The following SFRP1 variants were observed in gnomAD, a reference collection of about 807,000 sequenced individuals.
SFRP1 encodes the protein secreted frizzled related protein 1.
Under a neutral mutation model 25.9 loss-of-function variants are expected in SFRP1, and 9 were observed. The observed-to-expected ratio is 0.35, with a 90% CI of 0.21 to 0.61. The LOEUF (loss-of-function observed/expected upper bound fraction) is 0.61. Among genes scored for constraint, SFRP1 ranks in the 20% least tolerant of loss-of-function variants. SFRP1 has a pLI of 0.78. For missense variants in SFRP1, 346 were observed against 418.2 expected (o/e 0.83, Z 1.51); for synonymous variants, 178 against 174.0 (o/e 1.02, Z -0.18).
chr8:41,262,808 TC>T lies in SFRP1; in HGVS notation c.*2358del, dbSNP rs1803390996. 1 of 152,168 alleles carries T rather than the reference TC, an allele frequency of 6.6e-6. No individual in the cohort carries two copies. The highest frequency in any genetic ancestry group is 2.1e-4 in the South Asian group (1 of 4,814). The allele number at this position is 152,168 out of a possible 1,614,324, so 9.4% of individuals were successfully genotyped here. On this transcript the variant is annotated 3_prime_UTR_variant, in exon 3 of 3. Coordinates refer to ENST00000220772, the MANE Select transcript of SFRP1 (RefSeq NM_003012.5). Reference sequence around the variant, plus strand: ...TGCAGCTCTGTGCCTACAGAGAGCCTCCCTTTTGGTTCTGAAATTGCTGATG... The same window carrying T: ...TGCAGCTCTGTGCCTACAGAGAGCCTCCTTTTGGTTCTGAAATTGCTGATG...
intron 2 of SFRP1, among the ~76,000 whole-genome samples, chr8:41,286,303 A>G (rs1803700254): frequency 6.6e-6 from 1 of 152,172 alleles, no homozygotes; most frequent in South Asian, 2.1e-4. Context: ...AACCCAACAC[A>G]ATACATGGAT....
At chr8:41,302,761 C>A (rs569594708) in intron 2 of SFRP1, among the ~76,000 whole-genome samples, 1 of 152,222 alleles carries the variant, frequency 6.6e-6, no homozygotes, top group South Asian at 2.1e-4. Flanking sequence ...CCCTGGAAGG[C>A]CCCAAGGCCC....
intron 2 of SFRP1, among the ~76,000 whole-genome samples, chr8:41,299,538 T>C (rs1245309962): frequency 3.3e-5 from 1 of 30,448 alleles, no homozygotes; most frequent in Non-Finnish European, 6.3e-5. Context: ...AAGTCCATCA[T>C]GCCTGCAATC....
chr8:41,305,487 G>T (rs932945433), intron 1 of SFRP1, among the ~76,000 whole-genome samples: 1 of 152,092 alleles, frequency 6.6e-6, no homozygotes, highest in African/African-American at 2.4e-5. Context: ...CTTTTCTAAC[G>T]GCTGACTCTG....
intron 1 of SFRP1, chr8:41,306,875 T>G (rs767008152): frequency 3.8e-6 from 6 of 1,595,586 alleles, no homozygotes; most frequent in African/African-American, 1.3e-5. Context: ...TTTTGGGGGC[T>G]GGGGTGAGGG....
At chr8:41,298,866 T>C (rs767920695) in intron 2 of SFRP1, among the ~76,000 whole-genome samples, 2 of 152,194 alleles carry the variant, frequency 1.3e-5, no homozygotes, top group Non-Finnish European at 2.9e-5. Flanking sequence ...GCAGTTCACA[T>C]GAGCTGTGAA....
intron 2 of SFRP1, among the ~76,000 whole-genome samples, chr8:41,290,570 C>T (rs952289326): frequency 3.3e-5 from 5 of 152,212 alleles, no homozygotes; most frequent in African/African-American, 9.6e-5. Flanking sequence ...GCTCTGCACA[C>T]GCAGAACACA....
At chr8:41,306,907 G>A in intron 1 of SFRP1, 4 of 1,580,642 alleles carry the variant, frequency 2.5e-6, no homozygotes, top group Non-Finnish European at 3.4e-6. Context: ...TCTTCTTCAG[G>A]CAACCCGTCC....
intron 2 of SFRP1, among the ~76,000 whole-genome samples, chr8:41,294,141 T>C (rs1017409907): frequency 6.6e-6 from 1 of 151,998 alleles, no homozygotes; most frequent in East Asian, 1.9e-4. Flanking sequence ...GCCTGAGAGG[T>C]GAGCACAGCG....
At chr8:41,284,405 C>T (rs554524632) in intron 2 of SFRP1, among the ~76,000 whole-genome samples, 1 of 151,084 alleles carries the variant, frequency 6.6e-6, no homozygotes, top group South Asian at 2.1e-4. Context: ...GAGCCCCTCC[C>T]ACATTGCTGG....
intron 2 of SFRP1, among the ~76,000 whole-genome samples, chr8:41,292,644 G>A (rs909937063): frequency 6.6e-6 from 1 of 152,054 alleles, no homozygotes; most frequent in African/African-American, 2.4e-5. Flanking sequence ...CAGGCCCTGG[G>A]AAGAAATGAT....
intron 2 of SFRP1, among the ~76,000 whole-genome samples, chr8:41,286,178 G>C (rs1433164177): frequency 6.6e-6 from 1 of 152,172 alleles, no homozygotes; most frequent in African/African-American, 2.4e-5. Context: ...GTTCCTCCCT[G>C]GGCTTGCCTA....
chr8:41,294,771 T>C (rs554027405), intron 2 of SFRP1, among the ~76,000 whole-genome samples: 5 of 151,782 alleles, frequency 3.3e-5, no homozygotes, highest in African/African-American at 9.7e-5. Context: ...GACTCAAATA[T>C]GTATATGGAA....
At chr8:41,290,052 G>A (rs1803756530) in intron 2 of SFRP1, among the ~76,000 whole-genome samples, 1 of 152,180 alleles carries the variant, frequency 6.6e-6, no homozygotes, top group Non-Finnish European at 1.5e-5. Flanking sequence ...ACGCACAGGA[G>A]GGCACACGTA....
At chr8:41,275,800 G>A (rs1424973587) in intron 2 of SFRP1, among the ~76,000 whole-genome samples, 1 of 152,248 alleles carries the variant, frequency 6.6e-6, no homozygotes, top group East Asian at 1.9e-4. Context: ...AGGCTGGAGT[G>A]CAGTGGCGCC....
rs773726937 is a variant in SFRP1 at position 41,308,907 on chromosome 8, C to T, written c.253G>A (p.Glu85Lys). The T allele has an allele frequency of 7.4e-6, 12 of 1,612,514 alleles. 1 individual carries two copies. Among genetic ancestry groups the T allele is most frequent in the Non-Finnish European group, 3.4e-6 (4 of 1,179,880 alleles). ...TGCTGCTTCACCTCCGCCATGGTCT[C>T]GTGCTCCAGCAGGTTGGGCAGCACC... ...KMVLPNLLEH[E>K]TMAEVKQQAS... The change falls in exon 1 of 3, where the codon GAG becomes AAG. Residue 85 changes from glutamate to lysine, a missense_variant. Glu to Lys is a moderately conservative substitution (Grantham distance 56, BLOSUM62 1). Transcript: ENST00000220772.
intron 2 of SFRP1, among the ~76,000 whole-genome samples, chr8:41,293,608 AT>A (rs1157783269): frequency 6.6e-6 from 1 of 151,708 alleles, no homozygotes; most frequent in African/African-American, 2.4e-5. Context: ...AGTTCCCTGA[AT>A]TTCTCCAGGC....
At chr8:41,291,739 C>T (rs763756706) in intron 2 of SFRP1, among the ~76,000 whole-genome samples, 1 of 152,290 alleles carries the variant, frequency 6.6e-6, no homozygotes, top group African/African-American at 2.4e-5. Flanking sequence ...ACACACACCA[C>T]GCAGTCAGCC....
intron 2 of SFRP1, chr8:41,298,398 G>A (rs1029727788): frequency 7.3e-6 from 1 of 137,504 alleles, no homozygotes; most frequent in Non-Finnish European, 1.6e-5. Flanking sequence ...TCAGGTGGTA[G>A]ATATCCCAAT....
Sources: gnomAD v4.1 joint callset for allele counts (sites outside exome capture counted in the v4.1 genomes callset) on GRCh38, gnomAD v4.1.1 for gene constraint, MANE v1.5 for transcripts, NCBI Gene and HGNC (gene_info 2026-07-23, HGNC 2026-07-21) for gene names.